The following PRDM6 variants were observed in gnomAD, a reference collection of about 807,000 sequenced individuals.
PRDM6 encodes putative histone-lysine N-methyltransferase PRDM6.
PRDM6 carries 25 observed loss-of-function variants against 60.8 expected under a neutral mutation model. The ratio of observed to expected loss-of-function variants is 0.41; its 90% CI spans 0.30 to 0.57. The LOEUF (loss-of-function observed/expected upper bound fraction) is 0.57. Among genes scored for constraint, PRDM6 ranks in the 20% least tolerant of loss-of-function variants. The pLI is 0.27. For synonymous variants in PRDM6, 407 were observed against 357.4 expected, an observed-to-expected ratio of 1.14 and a Z score of -1.57; for missense variants, 839 against 821.3, an observed-to-expected ratio of 1.02 and a Z score of -0.26.
chr5:123,103,558 G>A lies in PRDM6; in HGVS notation c.900+3597G>A, dbSNP rs187853690. ...GAATGAGATAATTTTATCCTAATGT[G>A]TTTTCCAATAAAGAAGTGAAAAGGC... On this transcript the variant is annotated intron_variant, in intron 3 of 7. Transcript: ENST00000407847. Among the ~76,000 whole-genome samples the A allele has an allele frequency of 1.5e-4, 23 of 152,046 alleles. No individual in the cohort carries two copies. In the East Asian group the frequency reaches 4.2e-3, roughly 28 times the overall value.
At chr5:123,091,770 G>T (rs1580470700) in intron 2 of PRDM6, among the ~76,000 whole-genome samples, 1 of 152,148 alleles carries the variant, frequency 6.6e-6, no homozygotes, top group East Asian at 1.9e-4. Context: ...TCATTCCTTC[G>T]TCTGGCTTCT....
At chr5:123,181,080 C>G (rs1352565803) in intron 7 of PRDM6, among the ~76,000 whole-genome samples, 1 of 152,246 alleles carries the variant, frequency 6.6e-6, no homozygotes, top group African/African-American at 2.4e-5. Flanking sequence ...TATTCATTCA[C>G]TTATTCACTC....
chr5:123,095,206 C>T lies in PRDM6; in HGVS notation c.593-4448C>T, dbSNP rs533924324. Among the ~76,000 whole-genome samples, 9 of 152,288 alleles carry T rather than the reference C, an allele frequency of 5.9e-5. No homozygotes were observed. The East Asian group carries it at 7.7e-4, about 13-fold the overall frequency. ...TAGAGGAGGAGGGCCGGGTGGGTGG[C>T]GGGGTGCAGTGGGGACGTCGGATCG... is the stretch of plus-strand genomic sequence containing the variant. On this transcript the variant is annotated intron_variant, in intron 2 of 7. Coordinates refer to ENST00000407847, the MANE Select transcript of PRDM6 (RefSeq NM_001136239.4).
chr5:123,111,606 G>A (rs186171931), intron 3 of PRDM6, among the ~76,000 whole-genome samples: 1 of 152,198 alleles, frequency 6.6e-6, no homozygotes, highest in Non-Finnish European at 1.5e-5. Context: ...CCTGAGGCAG[G>A]AGAATGGCGT....
chr5:123,107,965 A>C (rs1048013331), intron 3 of PRDM6, among the ~76,000 whole-genome samples: 1 of 152,120 alleles, frequency 6.6e-6, no homozygotes, highest in Non-Finnish European at 1.5e-5. Context: ...CCTCATTTTT[A>C]ATTAATTTTT....
Position 123,090,175 on chromosome 5 carries a change from C to T in PRDM6, c.161C>T (p.Pro54Leu). The T allele has an allele frequency of 1.3e-6, 2 of 1,488,358 alleles. No individual in the cohort carries two copies. Among genetic ancestry groups the T allele is most frequent in the Non-Finnish European group, 8.9e-7 (1 of 1,122,794 alleles). 92.2% of individuals were successfully genotyped at this position (1,488,358 alleles called of 1,614,324 possible). A position where few individuals can be genotyped will look rare whatever the true frequency, so the allele number is the denominator to read the frequency against. ...LSAPQPLQPP[P>L]PPPPPERAEP... ...GCGCCGCAGCCTCTTCAGCCGCCGC[C>T]GCCGCCCCCGCCCCCGGAGCGCGCT... Residue 54 changes from proline to leucine, a missense_variant, in exon 2 of 8, where the codon CCG (proline) becomes CTG (leucine). Pro to Leu is a moderately conservative substitution (Grantham distance 98). Around this residue, in one of 2 missense-constraint regions of PRDM6, gnomAD observed 730 missense variants for 648.8 expected, o/e 1.13. Coordinates refer to ENST00000407847, the MANE Select transcript of PRDM6 (RefSeq NM_001136239.4).
intron 7 of PRDM6, among the ~76,000 whole-genome samples, chr5:123,181,381 A>G (rs1766156694): frequency 6.6e-6 from 1 of 152,304 alleles, no homozygotes; most frequent in East Asian, 1.9e-4. Context: ...GATGTTTCAG[A>G]TATGTTTTGA....
At chr5:123,140,695 G>T (rs1403410947) in intron 3 of PRDM6, among the ~76,000 whole-genome samples, 1 of 152,028 alleles carries the variant, frequency 6.6e-6, no homozygotes, top group Non-Finnish European at 1.5e-5. Flanking sequence ...TTTGCTTTCC[G>T]ATGAAATTGT....
At chr5:123,109,979 C>A (rs1254350069) in intron 3 of PRDM6, among the ~76,000 whole-genome samples, 2 of 152,086 alleles carry the variant, frequency 1.3e-5, no homozygotes, top group Admixed American at 6.5e-5. Flanking sequence ...TGTGACCTGT[C>A]CATAAATATT....
intron 4 of PRDM6, among the ~76,000 whole-genome samples, chr5:123,156,699 G>A (rs1469551595): frequency 1.3e-5 from 2 of 152,176 alleles, no homozygotes; most frequent in African/African-American, 4.8e-5. Context: ...TTCCCTTAGG[G>A]GGTCCACATA....
At chr5:123,160,013 T>C (rs1765591498) in intron 5 of PRDM6, among the ~76,000 whole-genome samples, 1 of 152,254 alleles carries the variant, frequency 6.6e-6, no homozygotes, top group Admixed American at 6.5e-5. Context: ...TGTACAGTCC[T>C]GTGGGAGCCA....
chr5:123,120,643 C>A (rs183182292), intron 3 of PRDM6, among the ~76,000 whole-genome samples: 101 of 152,256 alleles, frequency 6.6e-4, no homozygotes, highest in Admixed American at 2.4e-3. Flanking sequence ...TTACATATGC[C>A]TATGGGCATG....
chr5:123,184,861 A>G (rs1412837538), intron 7 of PRDM6, among the ~76,000 whole-genome samples: 1 of 152,188 alleles, frequency 6.6e-6, no homozygotes, highest in Non-Finnish European at 1.5e-5. Context: ...TATTTCTGGT[A>G]GCCTTCTTTC....
At chr5:123,160,463 A>T (rs1161944257) in intron 5 of PRDM6, among the ~76,000 whole-genome samples, 5 of 152,270 alleles carry the variant, frequency 3.3e-5, no homozygotes, top group Admixed American at 3.3e-4. Flanking sequence ...GTGAGCTGAT[A>T]GTTTGATGTT....
intron 3 of PRDM6, among the ~76,000 whole-genome samples, chr5:123,112,432 C>T (rs1421654603): frequency 1.3e-5 from 2 of 152,182 alleles, no homozygotes; most frequent in Admixed American, 6.5e-5. Flanking sequence ...TGCTAATTTG[C>T]TGATCTTTTT....
chr5:123,163,959 GTGCCCC>G (rs1401782952), intron 5 of PRDM6, among the ~76,000 whole-genome samples: 1 of 152,074 alleles, frequency 6.6e-6, no homozygotes, highest in Non-Finnish European at 1.5e-5. Context: ...CCTCTTCACG[GTGCCCC>G]TCACCCCCAC....
intron 2 of PRDM6, among the ~76,000 whole-genome samples, chr5:123,097,875 G>A (rs1016281060): frequency 6.6e-6 from 1 of 152,210 alleles, no homozygotes; most frequent in African/African-American, 2.4e-5. Context: ...TCACTTCAGA[G>A]GTCTGGGGAC....
chr5:123,135,885 A>G (rs1764941009), intron 3 of PRDM6, among the ~76,000 whole-genome samples: 2 of 152,200 alleles, frequency 1.3e-5, no homozygotes. Context: ...AGATCAACAT[A>G]ATCACTTTAA....
intron 3 of PRDM6, among the ~76,000 whole-genome samples, chr5:123,142,877 CAAAA>C: frequency 0.016 from 425 of 27,400 alleles, 3 homozygotes; most frequent in East Asian, 0.069. Context: ...CAGTGAAGAC[CAAAA>C]AAAAAAAAAA....
Sources: gnomAD v4.1 joint callset for allele counts (sites outside exome capture counted in the v4.1 genomes callset) on GRCh38, gnomAD v4.1.1 for gene constraint, gnomAD v4.1.1 regional missense constraint, MANE v1.5 for transcripts, NCBI Gene and HGNC (gene_info 2026-07-23, HGNC 2026-07-21) for gene names.